Variants in MAN1A2 observed in about 807,000 individuals in gnomAD.
MAN1A2 encodes the protein mannosyl-oligosaccharide 1,2-alpha-mannosidase IB.
MAN1A2 carries 26 observed loss-of-function variants against 75.7 expected under a neutral mutation model. The ratio of observed to expected loss-of-function variants is 0.34; its 90% CI spans 0.25 to 0.48. MAN1A2 has a LOEUF of 0.48. MAN1A2 is among the 20% of genes least tolerant of loss of function. MAN1A2 has a pLI of 0.99. For missense variants in MAN1A2, 562 were observed against 775.5 expected (o/e 0.72, Z 3.27); for synonymous variants, 247 against 264.6 (o/e 0.93, Z 0.65).
intron 1 of MAN1A2, among the ~76,000 whole-genome samples, chr1:117,381,205 C>G (rs1160430789): frequency 1.3e-5 from 2 of 151,654 alleles, no homozygotes; most frequent in South Asian, 2.1e-4. Context: ...TTTTATTATA[C>G]TTTAAGTTTT....
chr1:117,514,688 G>A (rs1224280946), intron 12 of MAN1A2, among the ~76,000 whole-genome samples: 3 of 152,154 alleles, frequency 2.0e-5, no homozygotes, highest in African/African-American at 7.2e-5. Context: ...AAATTTCTGA[G>A]CACAAGTGAC....
At chr1:117,383,150 G>A (rs992748151) in intron 1 of MAN1A2, among the ~76,000 whole-genome samples, 2 of 152,182 alleles carry the variant, frequency 1.3e-5, no homozygotes, top group African/African-American at 4.8e-5. Flanking sequence ...ACCATTGAGT[G>A]TGATGTTAGC....
At chr1:117,458,521 A>ATTTTTTTTTTTTTTT (rs1409683905) in intron 6 of MAN1A2, among the ~76,000 whole-genome samples, 2 of 94,296 alleles carry the variant, frequency 2.1e-5, no homozygotes, top group African/African-American at 4.0e-5. Context: ...AGATATATAT[A>ATTTTTTTTTTTTTTT]TATTTTTTTT....
intron 4 of MAN1A2, among the ~76,000 whole-genome samples, chr1:117,418,244 A>G (rs1468251004): frequency 6.6e-6 from 1 of 152,158 alleles, no homozygotes; most frequent in African/African-American, 2.4e-5. Flanking sequence ...ACAGAGTTTT[A>G]TCTCTTTTTT....
intron 1 of MAN1A2, among the ~76,000 whole-genome samples, chr1:117,380,517 G>A (rs1653297128): frequency 6.6e-6 from 1 of 152,126 alleles, no homozygotes; most frequent in South Asian, 2.1e-4. Flanking sequence ...TATTTAGGTT[G>A]TTGATTCATG....
At position 117,414,158 on chromosome 1, in the gene MAN1A2, A is replaced by G. The variant is rs866759031; in HGVS notation, c.656-555A>G. On this transcript the variant is annotated intron_variant, in intron 3 of 12. Transcript: ENST00000356554. ...TTTGTTTGATGGTTTCCTTTTTTCA[A>G]TTTGATCTACCTGCTTGTTGATTGT... Among the ~76,000 whole-genome samples the G allele has an allele frequency of 2.6e-5, 4 of 151,026 alleles. No homozygotes were observed. The East Asian group carries it at 5.8e-4, about 22-fold the overall frequency.
chr1:117,406,774 G>A (rs1219592848), intron 3 of MAN1A2, among the ~76,000 whole-genome samples: 1 of 151,916 alleles, frequency 6.6e-6, no homozygotes, highest in African/African-American at 2.4e-5. Context: ...AATATGAGGC[G>A]TTAGTGCAAT....
chr1:117,501,283 C>G (rs1651193199), intron 11 of MAN1A2, among the ~76,000 whole-genome samples: 1 of 151,658 alleles, frequency 6.6e-6, no homozygotes, highest in South Asian at 2.1e-4. Flanking sequence ...TAGTTATACT[C>G]TAAATTCAAG....
intron 6 of MAN1A2, among the ~76,000 whole-genome samples, chr1:117,459,583 A>G (rs916411245): frequency 1.3e-5 from 2 of 152,154 alleles, no homozygotes; most frequent in African/African-American, 4.8e-5. Context: ...AAGAAATTTA[A>G]CCTTTTTAGA....
At chr1:117,407,226 T>G (rs1005982332) in intron 3 of MAN1A2, among the ~76,000 whole-genome samples, 2 of 152,130 alleles carry the variant, frequency 1.3e-5, no homozygotes, top group Non-Finnish European at 2.9e-5. Flanking sequence ...TAGGAATAGA[T>G]CCATTATTAT....
chr1:117,459,560 A>T (rs2101834234), intron 6 of MAN1A2, among the ~76,000 whole-genome samples: 1 of 152,342 alleles, frequency 6.6e-6, no homozygotes, highest in South Asian at 2.1e-4. Flanking sequence ...GCATTTACTC[A>T]GTCTGTGTTC....
At chr1:117,439,495 T>C (rs1368636551) in intron 5 of MAN1A2, among the ~76,000 whole-genome samples, 1 of 148,618 alleles carries the variant, frequency 6.7e-6, no homozygotes, top group Non-Finnish European at 1.5e-5. Flanking sequence ...TTGTGTTGTC[T>C]TACTTTTTTT....
chr1:117,472,937 C>A (rs1350478342), intron 8 of MAN1A2, among the ~76,000 whole-genome samples: 1 of 151,914 alleles, frequency 6.6e-6, no homozygotes, highest in Non-Finnish European at 1.5e-5. Flanking sequence ...GACAACCCTG[C>A]TGTAGAGGTC....
intron 1 of MAN1A2, among the ~76,000 whole-genome samples, chr1:117,399,194 C>A (rs1377463984): frequency 6.6e-6 from 1 of 152,114 alleles, no homozygotes; most frequent in Non-Finnish European, 1.5e-5. Context: ...TGTCTTGCCC[C>A]CCACAGGGTG....
intron 10 of MAN1A2, 64 bp downstream of exon 10, chr1:117,497,046 G>C (rs1357332498): frequency 1.5e-6 from 2 of 1,343,308 alleles, no homozygotes; most frequent in Non-Finnish European, 2.1e-6. Flanking sequence ...AATGTGTTCA[G>C]CAATAAGAAG....
intron 3 of MAN1A2, among the ~76,000 whole-genome samples, chr1:117,413,971 A>G (rs556997831): frequency 1.3e-5 from 2 of 152,012 alleles, no homozygotes; most frequent in South Asian, 4.2e-4. Flanking sequence ...AGTTTTCATT[A>G]TCTAGTTTTG....
intron 5 of MAN1A2, among the ~76,000 whole-genome samples, chr1:117,426,504 A>C (rs563718630): frequency 6.6e-6 from 1 of 152,170 alleles, no homozygotes; most frequent in Non-Finnish European, 1.5e-5. Flanking sequence ...CTAAGTTGAA[A>C]ATGCATTTAG....
chr1:117,410,909 A>G (rs1319999569), intron 3 of MAN1A2, among the ~76,000 whole-genome samples: 1 of 151,894 alleles, frequency 6.6e-6, no homozygotes, highest in African/African-American at 2.4e-5. Context: ...AAATATGTAC[A>G]GAACCTGCAC....
At chr1:117,407,772 T>G (rs1163678094) in intron 3 of MAN1A2, among the ~76,000 whole-genome samples, 1 of 152,194 alleles carries the variant, frequency 6.6e-6, no homozygotes, top group African/African-American at 2.4e-5. Context: ...CTGAGCTTTT[T>G]TACTTTATCT....
Sources: gnomAD v4.1 joint callset for allele counts (sites outside exome capture counted in the v4.1 genomes callset) on GRCh38, gnomAD v4.1.1 for gene constraint, MANE v1.5 for transcripts, NCBI Gene and HGNC (gene_info 2026-07-23, HGNC 2026-07-21) for gene names.